The following CDH2 variants were observed in gnomAD, a reference collection of about 807,000 sequenced individuals.
The protein encoded by CDH2 is cadherin-2.
Under a neutral mutation model 92.0 loss-of-function variants are expected in CDH2, and 17 were observed. The ratio of observed to expected loss-of-function variants is 0.18; its 90% CI spans 0.13 to 0.28. The LOEUF is 0.28. Ranked by LOEUF, CDH2 falls within the 10% of genes least tolerant of loss-of-function variation. The probability of loss-of-function intolerance (pLI) is 1.00; values close to 1 mark genes in which losing one functional copy is unlikely to be tolerated. For missense variants in CDH2, 862 were observed against 1,133.1 expected, an observed-to-expected ratio of 0.76 and a Z score of 3.44; for synonymous variants, 419 against 415.9, an observed-to-expected ratio of 1.01 and a Z score of -0.09.
chr18:28,136,308 A>G (rs1028053029), intron 2 of CDH2, among the ~76,000 whole-genome samples: 2 of 152,054 alleles, frequency 1.3e-5, no homozygotes. Context: ...CAGCAGTTTA[A>G]TGAAGGAAGG....
intron 2 of CDH2, chr18:28,097,264 A>C (rs2015150925): frequency 6.6e-6 from 1 of 152,188 alleles, no homozygotes. Flanking sequence ...GCTAGAAAAA[A>C]GAGACCAAAA....
rs752667569 is a variant in CDH2, at chr18:27,988,581, C to A, written c.1684G>T (p.Glu562Ter). 1 of 1,612,264 alleles carries A rather than the reference C, an allele frequency of 6.2e-7. No individual in the cohort carries two copies. Among genetic ancestry groups the A allele is most frequent in the Non-Finnish European group, 8.5e-7 (1 of 1,178,422 alleles). ...ATATTGTTTTTCACATTTGGTGATT[C>A]TCGGTCCAAAACAGCAATTGTAGTT... ...QITTIAVLDR[E>*]SPNVKNNIYN... is the part of the protein sequence containing the mutation. The change falls in exon 11 of 16, where the codon GAA (glutamate) becomes TAA (stop). Residue 562 changes from glutamate to a stop codon, truncating the protein, a stop_gained. Coordinates refer to ENST00000269141, the MANE Select transcript of CDH2 (RefSeq NM_001792.5). LOFTEE classifies it high-confidence loss of function.
chr18:28,095,807 C>CAAAAAAAAAAAAAAAAAAAAAAA (rs33981188), intron 2 of CDH2, among the ~76,000 whole-genome samples: 5 of 102,926 alleles, frequency 4.9e-5, no homozygotes, highest in African/African-American at 1.6e-4. Flanking sequence ...GCAACTCCAT[C>CAAAAAAAAAAAAAAAAAAAAAAA]AAAAAAAAAA....
At chr18:28,095,347 A>G (rs1457557492) in intron 2 of CDH2, among the ~76,000 whole-genome samples, 1 of 152,156 alleles carries the variant, frequency 6.6e-6, no homozygotes, top group Non-Finnish European at 1.5e-5. Flanking sequence ...TTAGAAGGAC[A>G]AGGTGGGAGA....
intron 2 of CDH2, among the ~76,000 whole-genome samples, chr18:28,094,316 G>T (rs887761386): frequency 6.6e-6 from 1 of 151,804 alleles, no homozygotes; most frequent in Non-Finnish European, 1.5e-5. Context: ...GTGAAACTCT[G>T]TTTCTACAAA....
At chr18:28,110,767 TA>T (rs2015397867) in intron 2 of CDH2, among the ~76,000 whole-genome samples, 1 of 152,096 alleles carries the variant, frequency 6.6e-6, no homozygotes, top group Non-Finnish European at 1.5e-5. Context: ...AAAAGACACC[TA>T]TATCTATATA....
intron 5 of CDH2, among the ~76,000 whole-genome samples, chr18:28,009,177 G>A (rs990222685): frequency 1.3e-5 from 2 of 152,080 alleles, no homozygotes; most frequent in African/African-American, 4.8e-5. Flanking sequence ...TAAAAACGAT[G>A]TTATACTATG....
chr18:28,134,674 G>A (rs1221305611), intron 2 of CDH2, among the ~76,000 whole-genome samples: 3 of 152,196 alleles, frequency 2.0e-5, no homozygotes, highest in Non-Finnish European at 4.4e-5. Context: ...TCGTACCACT[G>A]CACTGCAGCT....
At chr18:28,103,339 A>T (rs1357611017) in intron 2 of CDH2, among the ~76,000 whole-genome samples, 1 of 88,366 alleles carries the variant, frequency 1.1e-5, no homozygotes, top group Non-Finnish European at 3.1e-5. Context: ...ACTCCTTTAT[A>T]TATATAAAGT....
intron 2 of CDH2, among the ~76,000 whole-genome samples, chr18:28,032,177 C>A (rs2013713903): frequency 6.6e-6 from 1 of 152,118 alleles, no homozygotes; most frequent in Non-Finnish European, 1.5e-5. Flanking sequence ...GCTGGAATTT[C>A]TTGCACAAAG....
At chr18:28,076,699 CCCGACGA>C (rs1319530014) in intron 2 of CDH2, among the ~76,000 whole-genome samples, 1 of 131,752 alleles carries the variant, frequency 7.6e-6, no homozygotes, top group African/African-American at 2.8e-5. Context: ...CCTCCCCCCA[CCCGACGA>C]CAGGCCCCGG....
chr18:27,944,072 A>G (rs1204170107), intron 6 of CDH2, among the ~76,000 whole-genome samples: 1 of 152,212 alleles, frequency 6.6e-6, no homozygotes, highest in Non-Finnish European at 1.5e-5. Flanking sequence ...TATAAAAGCG[A>G]TTTAAAATGA....
intron 2 of CDH2, among the ~76,000 whole-genome samples, chr18:28,041,807 T>C (rs1423562611): frequency 1.3e-5 from 2 of 152,200 alleles, no homozygotes; most frequent in African/African-American, 4.8e-5. Context: ...TTGTACCTTA[T>C]AAACAACTTT....
At chr18:28,140,285 T>C (rs1434515571) in intron 2 of CDH2, among the ~76,000 whole-genome samples, 2 of 151,886 alleles carry the variant, frequency 1.3e-5, no homozygotes, top group Admixed American at 1.3e-4. Flanking sequence ...AAAGCAAGAG[T>C]AACCAGACAA....
intron 2 of CDH2, among the ~76,000 whole-genome samples, chr18:28,134,502 A>G (rs1408403553): frequency 6.6e-6 from 1 of 152,160 alleles, no homozygotes; most frequent in Non-Finnish European, 1.5e-5. Context: ...TCAGCTCAGG[A>G]GTTCAAGACC....
At chr18:28,141,960 T>C (rs184714588) in intron 2 of CDH2, among the ~76,000 whole-genome samples, 3 of 151,902 alleles carry the variant, frequency 2.0e-5, no homozygotes, top group South Asian at 2.1e-4. Context: ...TCCTATGCAA[T>C]GACATTTGCT....
intron 1 of CDH2, among the ~76,000 whole-genome samples, chr18:28,150,093 G>T (rs1284560695): frequency 6.6e-6 from 1 of 152,172 alleles, no homozygotes; most frequent in Non-Finnish European, 1.5e-5. Flanking sequence ...TCCCCAGTTT[G>T]CCATATAAAA....
chr18:28,001,825 A>T (rs150773408), intron 7 of CDH2, among the ~76,000 whole-genome samples: 1 of 152,370 alleles, frequency 6.6e-6, no homozygotes, highest in East Asian at 1.9e-4. Flanking sequence ...TTGCAATAGT[A>T]ATGTTTTCTT....
At chr18:28,066,605 A>T (rs1476418985) in intron 2 of CDH2, among the ~76,000 whole-genome samples, 2 of 152,162 alleles carry the variant, frequency 1.3e-5, no homozygotes, top group Non-Finnish European at 2.9e-5. Flanking sequence ...TTCTCTTTTT[A>T]GATTAGGTGC....
Sources: gnomAD v4.1 joint callset for allele counts (sites outside exome capture counted in the v4.1 genomes callset) on GRCh38, gnomAD v4.1.1 for gene constraint, MANE v1.5 for transcripts, NCBI Gene and HGNC (gene_info 2026-07-23, HGNC 2026-07-21) for gene names.